MTUS2: variants seen among roughly 807,000 people sequenced by gnomAD.
The protein encoded by MTUS2 is microtubule associated scaffold protein 2, also known as microtubule-associated tumor suppressor candidate 2.
Under a neutral mutation model 114.1 loss-of-function variants are expected in MTUS2, and 40 were observed. That is an observed-to-expected ratio of 0.35 (90% CI 0.27 to 0.46). The LOEUF (loss-of-function observed/expected upper bound fraction) is 0.46. MTUS2 is among the 20% of genes least tolerant of loss of function. MTUS2 has a pLI of 1.00. For synonymous variants in MTUS2, 688 were observed against 672.0 expected (o/e 1.02, Z -0.37); for missense variants, 1,679 against 1,705.4 (o/e 0.98, Z 0.27).
chr13:29,318,598 T>G (rs1900120363), intron 6 of MTUS2, among the ~76,000 whole-genome samples: 1 of 152,190 alleles, frequency 6.6e-6, no homozygotes, highest in Admixed American at 6.5e-5. Context: ...CATGTTTTCA[T>G]GGCTCCTTTG....
chr13:28,970,682 G>GA (rs1282223235), intron 2 of MTUS2, among the ~76,000 whole-genome samples: 2 of 152,220 alleles, frequency 1.3e-5, no homozygotes, highest in African/African-American at 4.8e-5. Flanking sequence ...TGCTCTCTGA[G>GA]AAGAAAGATT....
In MTUS2 at chr13:29,503,259, CTGAGGGAGCACCGACCCG is replaced by C; in HGVS notation, c.*54_*71del. On this transcript the variant is annotated 3_prime_UTR_variant, in exon 16 of 16. Transcript: ENST00000612955. ...GGCTTCTCGTCCTCCGGTCTCCACC[CTGAGGGAGCACCGACCCG>C]GTGCCGCCGGAGCTGGCCCTGTGCG... is the stretch of plus-strand genomic sequence containing the variant. 6.3e-7 allele frequency: 1 copy of C among 1,596,996 alleles called. No individual in the cohort carries two copies. Among genetic ancestry groups the C allele is most frequent in the Non-Finnish European group, 8.5e-7 (1 of 1,171,086 alleles).
intron 9 of MTUS2, among the ~76,000 whole-genome samples, chr13:29,474,170 G>A (rs1000581948): frequency 6.6e-6 from 1 of 152,124 alleles, no homozygotes; most frequent in Non-Finnish European, 1.5e-5. Context: ...TGTGCAAAAA[G>A]TGATTACTTT....
At position 29,026,318 on chromosome 13, in the gene MTUS2, A is replaced by G. The variant is rs770747547; in HGVS notation, c.1620A>G (p.Thr540=). Reference sequence around the variant, plus strand: ...TTCCAGCACCCCTCCACCCAGAGACAACTGTGAACATGACCTACCAGCCTA... The same window carrying G: ...TTCCAGCACCCCTCCACCCAGAGACGACTGTGAACATGACCTACCAGCCTA... ...LNIPAPLHPE[T]TVNMTYQPTT... Residue 540 remains threonine, a synonymous_variant, in exon 3 of 16, where the codon ACA becomes ACG. Transcript: ENST00000612955. The G allele has an allele frequency of 4.3e-6, 7 of 1,614,000 alleles. No individual in the cohort carries two copies. Among genetic ancestry groups the G allele is most frequent in the Middle Eastern group, 3.3e-4 (2 of 6,062 alleles).
At chr13:29,226,160 A>G (rs1330206318) in intron 5 of MTUS2, among the ~76,000 whole-genome samples, 6 of 152,224 alleles carry the variant, frequency 3.9e-5, no homozygotes, top group Admixed American at 1.3e-4. Context: ...AAAAGATAAC[A>G]TTACATATTC....
In MTUS2 at chr13:29,296,583, C is replaced by G. The variant is rs146019759; in HGVS notation, c.2806+14718C>G. Reference sequence around the variant, plus strand: ...ATGCCCACCAAGTGTGTAAAAGTTCCTCATTCTCTATGTTCTCACCAATGT... The same window carrying G: ...ATGCCCACCAAGTGTGTAAAAGTTCGTCATTCTCTATGTTCTCACCAATGT... On this transcript the variant is annotated intron_variant, in intron 6 of 15. Transcript: ENST00000612955. Among the ~76,000 whole-genome samples, 641 of 152,198 alleles carry G rather than the reference C, an allele frequency of 4.2e-3. 3 individuals carry two copies. The highest frequency in any genetic ancestry group is 0.015 in the African/African-American group (615 of 41,538).
chr13:28,980,265 A>G (rs1884300671), intron 2 of MTUS2, among the ~76,000 whole-genome samples: 2 of 152,156 alleles, frequency 1.3e-5, no homozygotes, highest in African/African-American at 2.4e-5. Flanking sequence ...TTTCTTTTTA[A>G]TTAATTGTTT....
intron 2 of MTUS2, among the ~76,000 whole-genome samples, chr13:28,999,260 C>T (rs1437176834): frequency 6.6e-6 from 1 of 152,124 alleles, no homozygotes; most frequent in African/African-American, 2.4e-5. Flanking sequence ...AGTTTTGTCT[C>T]AGAGGAGTAC....
At chr13:29,326,102 G>C (rs544911272) in intron 7 of MTUS2, among the ~76,000 whole-genome samples, 1 of 152,278 alleles carries the variant, frequency 6.6e-6, no homozygotes, top group African/African-American at 2.4e-5. Context: ...ATTTCTAAAG[G>C]GTAACACCTT....
At chr13:28,872,395 A>T (rs9550408) in intron 2 of MTUS2, among the ~76,000 whole-genome samples, 36,656 of 152,066 alleles carry the variant, frequency 0.24, 6,882 homozygotes, top group African/African-American at 0.52. Flanking sequence ...AAACCAAAAG[A>T]TTTGTTTTGG....
chr13:29,199,113 C>CA (rs1479464162), intron 5 of MTUS2, among the ~76,000 whole-genome samples: 3 of 151,914 alleles, frequency 2.0e-5, no homozygotes, highest in Non-Finnish European at 4.4e-5. Flanking sequence ...CATATGGAAA[C>CA]AAAAAAGAGC....
intron 4 of MTUS2, among the ~76,000 whole-genome samples, chr13:29,086,505 A>T (rs1428895636): frequency 6.6e-6 from 1 of 152,132 alleles, no homozygotes; most frequent in African/African-American, 2.4e-5. Context: ...TACCAGTACC[A>T]TGATGTTTTG....
chr13:29,047,759 C>T lies in MTUS2; in HGVS notation c.2446+13634C>T, dbSNP rs182030712. On this transcript the variant is annotated intron_variant, in intron 4 of 15. Transcript: ENST00000612955. ...CGATCTCCTGACGTGATGCGCCCAC[C>T]TTGGCCTCCCAAAGTGCTGGGATTA... is the stretch of plus-strand genomic sequence containing the variant. 3.5e-3 allele frequency among the ~76,000 whole-genome samples: 526 copies of T among 152,312 alleles called. 3 individuals carry two copies. Among genetic ancestry groups the T allele is most frequent in the African/African-American group, 0.012 (508 of 41,582 alleles).
intron 5 of MTUS2, among the ~76,000 whole-genome samples, chr13:29,235,798 C>T (rs938069017): frequency 2.0e-5 from 3 of 151,994 alleles, no homozygotes; most frequent in Admixed American, 1.3e-4. Context: ...AGGTTATTTG[C>T]ATATTAATTC....
At chr13:29,059,132 C>T (rs1218132364) in intron 4 of MTUS2, among the ~76,000 whole-genome samples, 2 of 151,882 alleles carry the variant, frequency 1.3e-5, no homozygotes, top group African/African-American at 4.8e-5. Flanking sequence ...GGTAAGAAGA[C>T]ACCGTGGCTT....
intron 2 of MTUS2, among the ~76,000 whole-genome samples, chr13:28,922,578 G>A (rs538785033): frequency 2.6e-5 from 4 of 152,244 alleles, no homozygotes; most frequent in South Asian, 2.1e-4. Flanking sequence ...TGCTGGGTGC[G>A]CTCCTGTTAT....
intron 2 of MTUS2, among the ~76,000 whole-genome samples, chr13:29,004,530 G>A (rs1278163012): frequency 2.6e-5 from 4 of 152,178 alleles, no homozygotes; most frequent in Non-Finnish European, 5.9e-5. Context: ...TGACAACAAA[G>A]CAGGCAAAAA....
At chr13:29,497,552 A>C in intron 13 of MTUS2, 1 of 575,298 alleles carries the variant, frequency 1.7e-6, no homozygotes, top group South Asian at 2.1e-5. Flanking sequence ...GCTACGTGTT[A>C]TTTTTGCCAA....
At position 28,920,299 on chromosome 13, in the gene MTUS2, T is replaced by C. The variant is rs115913105; in HGVS notation, c.-243+80449T>C. On this transcript the variant is annotated intron_variant, in intron 2 of 15. Transcript: ENST00000612955. ...ACTTGGGCCTCAAACCCAATAACACTGTGGTTCTTGCAGACACATAGAGGT... is the reference window on the plus strand; with the variant it reads ...ACTTGGGCCTCAAACCCAATAACACCGTGGTTCTTGCAGACACATAGAGGT... Among the ~76,000 whole-genome samples, 300 of 152,078 alleles carry C rather than the reference T, an allele frequency of 2.0e-3. 1 individual carries two copies. The highest frequency in any genetic ancestry group is 7.0e-3 in the African/African-American group (290 of 41,306).
Sources: allele counts gnomAD v4.1 joint callset (sites outside exome capture counted in the v4.1 genomes callset), GRCh38; gene constraint gnomAD v4.1.1; transcripts MANE v1.5; gene names NCBI Gene and HGNC (gene_info 2026-07-23, HGNC 2026-07-21).